Variants in LEKR1 observed in about 807,000 individuals in gnomAD.
LEKR1 encodes the protein leucine, glutamate and lysine rich 1.
In LEKR1, 59 loss-of-function variants were observed where a neutral mutation model predicts 72.4. The ratio of observed to expected loss-of-function variants is 0.82; its 90% CI spans 0.66 to 1.01. The LOEUF (loss-of-function observed/expected upper bound fraction) is 1.01, where lower values mean the gene tolerates loss of function less well. LEKR1 is among the 50% of genes least tolerant of loss of function. The pLI is 0.00. For synonymous variants in LEKR1, 257 were observed against 263.2 expected (o/e 0.98, Z 0.23); for missense variants, 728 against 759.2 (o/e 0.96, Z 0.48).
chr3:157,002,709 AT>A (rs2108016382), intron 9 of LEKR1, among the ~76,000 whole-genome samples: 1 of 152,274 alleles, frequency 6.6e-6, no homozygotes, highest in African/African-American at 2.4e-5. Flanking sequence ...ACAGATACAA[AT>A]TTATATTTTT....
chr3:157,021,392 C>T (rs1036290605), intron 10 of LEKR1, among the ~76,000 whole-genome samples: 7 of 151,938 alleles, frequency 4.6e-5, no homozygotes, highest in Non-Finnish European at 1.0e-4. Context: ...AGGTTTTCTT[C>T]TAGGGTTTTT....
chr3:156,953,403 C>T (rs1727340715), intron 6 of LEKR1, among the ~76,000 whole-genome samples: 1 of 151,590 alleles, frequency 6.6e-6, no homozygotes, highest in Non-Finnish European at 1.5e-5. Flanking sequence ...GTTTGTTACA[C>T]AGGTAAACGT....
intron 10 of LEKR1, among the ~76,000 whole-genome samples, chr3:157,022,035 G>A (rs943016871): frequency 6.6e-6 from 1 of 152,114 alleles, no homozygotes; most frequent in Non-Finnish European, 1.5e-5. Flanking sequence ...GAGAAAAGTA[G>A]TGGAAGTCAG....
chr3:157,028,102 G>T lies in LEKR1; in HGVS notation c.1369-1G>T. ...AAGCTAATATGAGATTTATCTTACA[G>T]ATATCTGACTTAATCACAGGCGCTA... On this transcript the variant is annotated splice_acceptor_variant, in intron 11 of 12. Coordinates refer to ENST00000356539, the MANE Select transcript of LEKR1 (RefSeq NM_001004316.3). LOFTEE classifies it high-confidence loss of function. The T allele has an allele frequency of 6.4e-7, 1 of 1,552,434 alleles. No homozygotes were observed. The highest frequency in any genetic ancestry group is 1.2e-5 in the South Asian group (1 of 81,162).
chr3:156,916,601 A>G (rs936764489), intron 3 of LEKR1, among the ~76,000 whole-genome samples: 3 of 152,090 alleles, frequency 2.0e-5, no homozygotes, highest in Admixed American at 6.6e-5. Context: ...TTGTATGTTG[A>G]TTTTGTATCC....
At chr3:157,034,540 T>C (rs1734832747) in intron 12 of LEKR1, among the ~76,000 whole-genome samples, 1 of 152,224 alleles carries the variant, frequency 6.6e-6, no homozygotes, top group African/African-American at 2.4e-5. Context: ...AAAAAGTTAC[T>C]TCTTATAGAT....
In LEKR1 at chr3:156,943,823, A is replaced by T. The variant is rs562737086; in HGVS notation, c.745+1109A>T. On this transcript the variant is annotated intron_variant, in intron 6 of 12. Coordinates refer to ENST00000356539, the MANE Select transcript of LEKR1 (RefSeq NM_001004316.3). Reference sequence around the variant, plus strand: ...GTGTTGAAAGAGAAGATAACAAGTCATCATATTAACTTTATAGCAGTATGC... The same window carrying T: ...GTGTTGAAAGAGAAGATAACAAGTCTTCATATTAACTTTATAGCAGTATGC... Among the ~76,000 whole-genome samples the T allele has an allele frequency of 2.0e-5, 3 of 152,046 alleles. No individual in the cohort carries two copies. In the East Asian group the frequency reaches 5.8e-4, roughly 29 times the overall value.
chr3:157,030,577 G>A (rs1214772114), intron 12 of LEKR1, among the ~76,000 whole-genome samples: 2 of 152,186 alleles, frequency 1.3e-5, no homozygotes, highest in Non-Finnish European at 2.9e-5. Flanking sequence ...GCCTGTATAA[G>A]TTATCTATTG....
chr3:156,916,898 C>T (rs1723708261), intron 3 of LEKR1, among the ~76,000 whole-genome samples: 2 of 152,000 alleles, frequency 1.3e-5, no homozygotes, highest in South Asian at 4.1e-4. Context: ...GAGAGTACTT[C>T]ATTCTTGATT....
chr3:156,966,983 TCTGCAGCCTCCG>T (rs1451760336), intron 6 of LEKR1, among the ~76,000 whole-genome samples: 1 of 152,168 alleles, frequency 6.6e-6, no homozygotes, highest in Non-Finnish European at 1.5e-5. Context: ...TATATGCTGT[TCTGCAGCCTCCG>T]CTGCTGATAC....
chr3:156,990,257 G>T (rs1731047640), intron 7 of LEKR1, among the ~76,000 whole-genome samples: 1 of 152,076 alleles, frequency 6.6e-6, no homozygotes, highest in Non-Finnish European at 1.5e-5. Flanking sequence ...CACATAGGGG[G>T]TGATGTGTCC....
At chr3:157,029,701 AC>A (rs1201574882) in intron 12 of LEKR1, among the ~76,000 whole-genome samples, 1 of 152,158 alleles carries the variant, frequency 6.6e-6, no homozygotes, top group Admixed American at 6.6e-5. Context: ...GGGAGAGCAC[AC>A]GTGGACTTAG....
intron 4 of LEKR1, among the ~76,000 whole-genome samples, chr3:156,924,240 T>G (rs1231080421): frequency 6.6e-6 from 1 of 152,212 alleles, no homozygotes; most frequent in African/African-American, 2.4e-5. Flanking sequence ...ATGTTGAGCA[T>G]CTTTTCATTT....
At position 156,847,550 on chromosome 3, in the gene LEKR1, A is replaced by G. The variant is rs73168677; in HGVS notation, c.49-5218A>G. ...TTACTTCATTTGGGAACATAATTAC[A>G]GTATTTCATATCTTCTCAAGTTTCA... is the stretch of plus-strand genomic sequence containing the variant. On this transcript the variant is annotated intron_variant, in intron 2 of 12. Coordinates refer to ENST00000356539, the MANE Select transcript of LEKR1 (RefSeq NM_001004316.3). 9.5e-3 allele frequency among the ~76,000 whole-genome samples: 1,452 copies of G among 152,364 alleles called. 7 individuals are homozygous for G. The highest frequency in any genetic ancestry group is 0.018 in the South Asian group (85 of 4,834).
At chr3:157,011,374 GGTAA>G in intron 9 of LEKR1, 35 bp from the exon 10 acceptor site, 5 of 1,319,454 alleles carry the variant, frequency 3.8e-6, no homozygotes, top group Non-Finnish European at 5.5e-6. Flanking sequence ...TTGTGTTAGG[GGTAA>G]GTATTGACTC....
chr3:156,870,025 G>A (rs62275175), intron 3 of LEKR1, among the ~76,000 whole-genome samples: 4,842 of 151,974 alleles, frequency 0.032, 118 homozygotes, highest in Non-Finnish European at 0.048. Context: ...AAATATGTCA[G>A]TTTATTTCTG....
intron 3 of LEKR1, among the ~76,000 whole-genome samples, chr3:156,909,683 A>G (rs952583310): frequency 3.4e-5 from 5 of 148,598 alleles, no homozygotes; most frequent in Admixed American, 6.7e-5. Flanking sequence ...GAAATCTTCA[A>G]TATCTTTACC....
chr3:156,920,892 C>T lies in LEKR1; in HGVS notation c.383+198C>T, dbSNP rs543621748. The T allele has an allele frequency of 1.1e-5, 4 of 370,680 alleles. No homozygotes were observed. The South Asian group carries it at 1.3e-4, about 12-fold the overall frequency. The allele number at this position is 370,680 out of a possible 1,614,324, so 23.0% of individuals were successfully genotyped here. On this transcript the variant is annotated intron_variant, in intron 4 of 12. Transcript: ENST00000356539. ...TGTTGCTAATTAAATTTAAATTAGG[C>T]ATATACCTTGTTCTATTAGTGCCTT...
intron 9 of LEKR1, among the ~76,000 whole-genome samples, chr3:157,000,091 C>T (rs6799034): frequency 0.51 from 77,331 of 151,908 alleles, 22,646 homozygotes; most frequent in South Asian, 0.79. Flanking sequence ...CAGAAAGCAA[C>T]GCTCTTTTTG....
Sources: gnomAD v4.1 joint callset for allele counts (sites outside exome capture counted in the v4.1 genomes callset) on GRCh38, gnomAD v4.1.1 for gene constraint, MANE v1.5 for transcripts, NCBI Gene and HGNC (gene_info 2026-07-23, HGNC 2026-07-21) for gene names.